Variants in SMIM31 observed in about 807,000 individuals in gnomAD.
SMIM31 encodes the protein small integral membrane protein 31.
intron 1 of SMIM31, among the ~76,000 whole-genome samples, chr4:164,757,657 ACT>A (rs1368647121): frequency 6.6e-6 from 1 of 151,938 alleles, no homozygotes; most frequent in African/African-American, 2.4e-5. Context: ...TCGTTCCACC[ACT>A]GTTTTCAAAA....
chr4:164,792,992 T>C lies in SMIM31; in HGVS notation c.113-8099T>C, dbSNP rs189887241. Among the ~76,000 whole-genome samples the C allele has an allele frequency of 8.5e-5, 13 of 152,264 alleles. No homozygotes were observed. The East Asian group carries it at 2.5e-3, about 29-fold the overall frequency. ...AGGGTCTCCTCTTCAACAACAGGTG[T>C]TGAGAAAACTGAATACCGTGGAATA... On this transcript the variant is annotated intron_variant, in intron 2 of 2. Transcript: ENST00000507311.
At chr4:164,778,226 T>TA (rs1323692515) in intron 2 of SMIM31, among the ~76,000 whole-genome samples, 1 of 152,018 alleles carries the variant, frequency 6.6e-6, no homozygotes, top group Non-Finnish European at 1.5e-5. Context: ...CATCTCTATT[T>TA]AAAAATAAAT....
At chr4:164,768,630 G>C (rs963571100) in intron 1 of SMIM31, among the ~76,000 whole-genome samples, 2 of 151,970 alleles carry the variant, frequency 1.3e-5, no homozygotes, top group Non-Finnish European at 2.9e-5. Context: ...ATGAGCACAG[G>C]GTACTACATA....
intron 1 of SMIM31, among the ~76,000 whole-genome samples, chr4:164,763,632 G>A (rs184236434): frequency 4.5e-4 from 69 of 152,306 alleles, no homozygotes; most frequent in Non-Finnish European, 8.1e-4. Context: ...TATTTCACAT[G>A]TGATCCTCCC....
intron 2 of SMIM31, among the ~76,000 whole-genome samples, chr4:164,795,365 C>T (rs1379022451): frequency 6.6e-6 from 1 of 152,070 alleles, no homozygotes; most frequent in East Asian, 1.9e-4. Context: ...CGAGGCCAGC[C>T]TGGCCAACAT....
intron 1 of SMIM31, among the ~76,000 whole-genome samples, chr4:164,763,161 G>A (rs1732674886): frequency 6.6e-6 from 1 of 152,136 alleles, no homozygotes; most frequent in African/African-American, 2.4e-5. Flanking sequence ...ATTTGGCAAT[G>A]CTTCTTTCAA....
At chr4:164,773,938 G>A (rs547832376) in intron 2 of SMIM31, among the ~76,000 whole-genome samples, 6 of 152,146 alleles carry the variant, frequency 3.9e-5, no homozygotes, top group South Asian at 2.1e-4. Flanking sequence ...AGGCCGAGGC[G>A]GGCGGATCAC....
chr4:164,760,736 C>A (rs1325816440), intron 1 of SMIM31, among the ~76,000 whole-genome samples: 2 of 72,002 alleles, frequency 2.8e-5, no homozygotes, highest in African/African-American at 4.8e-5. Flanking sequence ...TGAGACTCCA[C>A]CTAAAAAAAA....
intron 2 of SMIM31, among the ~76,000 whole-genome samples, chr4:164,797,637 T>C (rs1733219056): frequency 6.6e-6 from 1 of 151,976 alleles, no homozygotes; most frequent in Non-Finnish European, 1.5e-5. Context: ...CCAATTTTTG[T>C]ATTTTTAGTA....
chr4:164,764,240 G>A (rs536440828), intron 1 of SMIM31, among the ~76,000 whole-genome samples: 3 of 152,002 alleles, frequency 2.0e-5, no homozygotes, highest in Admixed American at 1.3e-4. Context: ...AGGCCTGACC[G>A]GCAACCAGAC....
Position 164,757,310 on chromosome 4 carries a change from G to C in SMIM31, c.-26+2899G>C, listed in dbSNP as rs1732577778. On this transcript the variant is annotated intron_variant, in intron 1 of 2. Coordinates refer to ENST00000507311, the MANE Select transcript of SMIM31 (RefSeq NM_001352885.1). ...GGAGTTTTCATAAGTATGTATTGCT[G>C]ATACAAGTTCTTCGTCAAATATGCA... 2.0e-5 allele frequency among the ~76,000 whole-genome samples: 3 copies of C among 152,096 alleles called. No individual in the cohort carries two copies. In the South Asian group the frequency reaches 6.2e-4, roughly 32 times the overall value.
At chr4:164,788,482 T>C (rs906187940) in intron 2 of SMIM31, among the ~76,000 whole-genome samples, 1 of 103,950 alleles carries the variant, frequency 9.6e-6, no homozygotes, top group Non-Finnish European at 2.0e-5. Flanking sequence ...ATTTTTCTTT[T>C]TTTTTTTTTT....
At position 164,801,112 on chromosome 4, in the gene SMIM31, G is replaced by A. The variant is rs1349473304; in HGVS notation, c.134G>A (p.Gly45Glu). 1 of 398,750 alleles carries A rather than the reference G, an allele frequency of 2.5e-6. No homozygotes were observed. Among genetic ancestry groups the A allele is most frequent in the East Asian group, 3.6e-5 (1 of 28,062 alleles). 24.7% of individuals were successfully genotyped at this position (398,750 alleles called of 1,614,324 possible). A position where few individuals can be genotyped will look rare whatever the true frequency, so the allele number is the denominator to read the frequency against. Residue 45 changes from glycine (G) to glutamate (E), a missense_variant, in exon 3 of 3, where the codon GGA (glycine) becomes GAA (glutamate). By Grantham distance (98) the Gly-to-Glu change is moderately conservative. Transcript: ENST00000507311. ...SNEEEEHEKK[G>E]REKKRKKSEK... The stretch of plus-strand genomic sequence containing the variant: ...GCAGAGGAAGAACATGAAAAAAAGG[G>A]AAGGGAAAAGAAAAGGAAAAAGTCT...
chr4:164,800,990 T>C, intron 2 of SMIM31, 101 bp from the exon 3 acceptor site: 1 of 394,436 alleles, frequency 2.5e-6, no homozygotes, highest in Non-Finnish European at 4.5e-6. Context: ...CAGGAAAAGT[T>C]ACATTAGTGA....
chr4:164,755,745 C>T (rs1732553134), intron 1 of SMIM31, among the ~76,000 whole-genome samples: 1 of 152,032 alleles, frequency 6.6e-6, no homozygotes, highest in African/African-American at 2.4e-5. Context: ...CCCAGTTTCA[C>T]ACCAGTCTCT....
chr4:164,772,870 G>T (rs748248664), intron 2 of SMIM31, among the ~76,000 whole-genome samples: 2 of 151,462 alleles, frequency 1.3e-5, no homozygotes, highest in Non-Finnish European at 1.5e-5. Context: ...GAGCCACCGC[G>T]CCCGGCCGGA....
chr4:164,773,891 G>T (rs929349943), intron 2 of SMIM31, among the ~76,000 whole-genome samples: 1 of 152,188 alleles, frequency 6.6e-6, no homozygotes, highest in Non-Finnish European at 1.5e-5. Flanking sequence ...ATCTGGCTGG[G>T]TGCGGTGGCT....
At chr4:164,799,371 C>T (rs1456135711) in intron 2 of SMIM31, among the ~76,000 whole-genome samples, 1 of 151,938 alleles carries the variant, frequency 6.6e-6, no homozygotes, top group Non-Finnish European at 1.5e-5. Flanking sequence ...GGCAACAGAG[C>T]AAGCCCCTGT....
At position 164,802,086 on chromosome 4, in the gene SMIM31, A is replaced by T. The variant is rs1733292930; in HGVS notation, c.*892A>T. 6.6e-6 allele frequency: 1 copy of T among 152,280 alleles called. No homozygotes were observed. Among genetic ancestry groups the T allele is most frequent in the South Asian group, 2.1e-4 (1 of 4,806 alleles). The allele number at this position is 152,280 out of a possible 1,614,324, so 9.4% of individuals were successfully genotyped here. On this transcript the variant is annotated 3_prime_UTR_variant, in exon 3 of 3. Coordinates refer to ENST00000507311, the MANE Select transcript of SMIM31 (RefSeq NM_001352885.1). ...GTCTCTACTAAAAATACAAAAAATT[A>T]GCCGAGCGTGGTGGCGGGCGCCTAT...
Sources: allele counts gnomAD v4.1 joint callset (sites outside exome capture counted in the v4.1 genomes callset), GRCh38; gene constraint gnomAD v4.1.1; transcripts MANE v1.5; gene names NCBI Gene and HGNC (gene_info 2026-07-23, HGNC 2026-07-21).